GNG7: variants seen among roughly 807,000 people sequenced by gnomAD.
The protein encoded by GNG7 is G protein subunit gamma 7.
Under a neutral mutation model 4.0 loss-of-function variants are expected in GNG7, and 1 was observed. The observed-to-expected ratio is 0.25, with a 90% CI of 0.09 to 1.18. GNG7 has a LOEUF of 1.18. Ranked by LOEUF, GNG7 falls within the 50% of genes most tolerant of loss-of-function variation. The probability of loss-of-function intolerance (pLI) is 0.50; values close to 1 mark genes in which losing one functional copy is unlikely to be tolerated. For missense variants in GNG7, 86 were observed against 91.9 expected (o/e 0.94, Z 0.26); for synonymous variants, 34 against 36.9 (o/e 0.92, Z 0.29).
intron 2 of GNG7, chr19:2,632,714 G>T (rs890008465): frequency 1.3e-5 from 2 of 152,230 alleles, no homozygotes; most frequent in African/African-American, 4.8e-5. Context: ...TAGTTACACT[G>T]AGCTATGATC....
intron 3 of GNG7, among the ~76,000 whole-genome samples, chr19:2,551,777 G>T (rs1019568079): frequency 6.6e-6 from 1 of 151,868 alleles, no homozygotes; most frequent in Non-Finnish European, 1.5e-5. Context: ...TCTGCCTCCC[G>T]GGCTCAAGTG....
At chr19:2,520,813 C>T (rs1022079214) in intron 3 of GNG7, 88 bp from the exon 4 acceptor site, 11 of 625,214 alleles carry the variant, frequency 1.8e-5, no homozygotes, top group South Asian at 7.4e-5. Context: ...TCAACCTTCC[C>T]GACTCTAGGC....
At chr19:2,608,624 C>CAAGGAA (rs1230872913) in intron 2 of GNG7, among the ~76,000 whole-genome samples, 2 of 152,344 alleles carry the variant, frequency 1.3e-5, no homozygotes, top group Non-Finnish European at 2.9e-5. Flanking sequence ...CACCCCAGGG[C>CAAGGAA]AAGGGGCCGG....
At chr19:2,667,246 C>CA (rs1983334269) in intron 1 of GNG7, among the ~76,000 whole-genome samples, 1 of 152,158 alleles carries the variant, frequency 6.6e-6, no homozygotes, top group Non-Finnish European at 1.5e-5. Flanking sequence ...CGCTTGAACC[C>CA]GGGAGGCGGA....
chr19:2,515,593 A>G (rs376672528), intron 4 of GNG7, among the ~76,000 whole-genome samples: 1 of 151,828 alleles, frequency 6.6e-6, no homozygotes, highest in African/African-American at 2.4e-5. Flanking sequence ...ACACCCAGCT[A>G]ATTTTTGTAT....
At chr19:2,544,429 G>C (rs1979059929) in intron 3 of GNG7, among the ~76,000 whole-genome samples, 1 of 152,192 alleles carries the variant, frequency 6.6e-6, no homozygotes, top group East Asian at 1.9e-4. Context: ...AAGCCCCTGA[G>C]GACAGTGTGC....
chr19:2,668,567 G>A (rs371878210), intron 1 of GNG7, among the ~76,000 whole-genome samples: 15 of 152,246 alleles, frequency 9.9e-5, no homozygotes, highest in African/African-American at 3.1e-4. Flanking sequence ...GGCCAATTTC[G>A]GCAGCATGGT....
intron 2 of GNG7, among the ~76,000 whole-genome samples, chr19:2,639,351 G>A (rs924534278): frequency 1.3e-5 from 2 of 151,910 alleles, no homozygotes; most frequent in Non-Finnish European, 2.9e-5. Flanking sequence ...AAATCAATGC[G>A]CCTGAGACGC....
rs1979577672 is a variant in GNG7 at position 2,557,151 on chromosome 19, C to T, written c.-77-1963G>A. Among the ~76,000 whole-genome samples, 1 of 151,662 alleles carries T rather than the reference C, an allele frequency of 6.6e-6. No individual in the cohort carries two copies. The highest frequency in any genetic ancestry group is 6.6e-5 in the Admixed American group (1 of 15,232). On this transcript the variant is annotated intron_variant, in intron 2 of 4. Transcript: ENST00000382159. This position sits in a 1 kb window ranked among gnomAD's most constrained non-coding sequence, Gnocchi z 5.1. Reference sequence around the variant, plus strand: ...CGTGTACTGCACACTCACGCACATGCACACAAAGACACGCGCACACACGTA... The same window carrying T: ...CGTGTACTGCACACTCACGCACATGTACACAAAGACACGCGCACACACGTA...
At chr19:2,655,803 C>T (rs996502863) in intron 1 of GNG7, among the ~76,000 whole-genome samples, 2 of 141,664 alleles carry the variant, frequency 1.4e-5, no homozygotes, top group African/African-American at 5.3e-5. Flanking sequence ...CGCGCCACTG[C>T]ACTCCAGCCT....
chr19:2,583,718 G>A (rs1980566249), intron 2 of GNG7, among the ~76,000 whole-genome samples: 1 of 152,146 alleles, frequency 6.6e-6, no homozygotes, highest in South Asian at 2.1e-4. Context: ...CCTCCCTTGA[G>A]CCCAAGAGTC....
At chr19:2,647,483 G>C (rs1179924560) in intron 1 of GNG7, among the ~76,000 whole-genome samples, 1 of 152,170 alleles carries the variant, frequency 6.6e-6, no homozygotes, top group Non-Finnish European at 1.5e-5. Context: ...CAGTCACAAG[G>C]AGGCCTCATG....
In GNG7 at chr19:2,512,241, C is replaced by G. The variant is rs561768239; in HGVS notation, c.*2781G>C. On this transcript the variant is annotated 3_prime_UTR_variant, in exon 5 of 5. Coordinates refer to ENST00000382159, the MANE Select transcript of GNG7 (RefSeq NM_052847.3). This position sits in a 1 kb window ranked among gnomAD's most constrained non-coding sequence, Gnocchi z 4.7. ...CTCCTGGAAACGCCCATAAAACATG[C>G]GTTCACCCCAGGGATTCCCGGCAGA... 7 of 985,758 alleles carry G rather than the reference C, an allele frequency of 7.1e-6. No homozygotes were observed. Among genetic ancestry groups the G allele is most frequent in the Non-Finnish European group, 8.4e-6 (7 of 829,960 alleles). The allele number at this position is 985,758 out of a possible 1,614,324, so 61.1% of individuals were successfully genotyped here.
chr19:2,512,485 G>A lies in GNG7; in HGVS notation c.*2537C>T. ...GACAGCTCAGGGAACCCAAGGCCCT[G>A]TGGACAGTGAAGGAGAGGCCAGCCT... On this transcript the variant is annotated 3_prime_UTR_variant, in exon 5 of 5. Coordinates refer to ENST00000382159, the MANE Select transcript of GNG7 (RefSeq NM_052847.3). This position sits in a 1 kb window ranked among gnomAD's most constrained non-coding sequence, Gnocchi z 4.7. 2.0e-6 allele frequency: 1 copy of A among 500,126 alleles called. No individual in the cohort carries two copies. The highest frequency in any genetic ancestry group is 2.6e-6 in the Non-Finnish European group (1 of 386,518). The allele number at this position is 500,126 out of a possible 1,614,324, so 31.0% of individuals were successfully genotyped here. A position where few individuals can be genotyped will look rare whatever the true frequency, so the allele number is the denominator to read the frequency against.
chr19:2,661,302 G>GAGAAAGAAAGAAAGAA lies in GNG7; in HGVS notation c.-134-15038_-134-15023dup, dbSNP rs71179906. Among the ~76,000 whole-genome samples the GAGAAAGAAAGAAAGAA allele has an allele frequency of 2.8e-3, 204 of 73,064 alleles. 6 individuals carry two copies. Among genetic ancestry groups the GAGAAAGAAAGAAAGAA allele is most frequent in the Admixed American group, 4.7e-3 (31 of 6,548 alleles). 47.9% of individuals were successfully genotyped at this position (73,064 alleles called of 152,430 possible). On this transcript the variant is annotated intron_variant, in intron 1 of 4. Transcript: ENST00000382159. ...AGAAAGAAAGAAAGAAAGAAAGAAA[G>GAGAAAGAAAGAAAGAA]AGAAAGAAAGAAAGAAAGAAAGAAA...
chr19:2,585,602 T>C (rs1980647542), intron 2 of GNG7, among the ~76,000 whole-genome samples: 1 of 152,212 alleles, frequency 6.6e-6, no homozygotes, highest in Non-Finnish European at 1.5e-5. Context: ...TTAACAGTCT[T>C]CATCTCCAGA....
intron 1 of GNG7, among the ~76,000 whole-genome samples, chr19:2,662,259 CAAAAAA>C (rs5826780): frequency 1.4e-5 from 1 of 73,636 alleles, no homozygotes. Context: ...GACTCCATCT[CAAAAAA>C]AAAAAAAAAA....
At chr19:2,548,834 C>A (rs12979344) in intron 3 of GNG7, among the ~76,000 whole-genome samples, 37,423 of 150,070 alleles carry the variant, frequency 0.25, 5,677 homozygotes, top group African/African-American at 0.44. Flanking sequence ...CGACAACCCC[C>A]TCTCAAGAAT....
chr19:2,569,796 C>T (rs10409191), intron 2 of GNG7, among the ~76,000 whole-genome samples: 22,962 of 152,078 alleles, frequency 0.15, 1,826 homozygotes, highest in Middle Eastern at 0.24. Flanking sequence ...AGACATCACC[C>T]GTCCCCCAGT....
Sources: allele counts gnomAD v4.1 joint callset (sites outside exome capture counted in the v4.1 genomes callset), GRCh38; gene constraint gnomAD v4.1.1; non-coding constraint Gnocchi (gnomAD v3.1); transcripts MANE v1.5; gene names NCBI Gene and HGNC (gene_info 2026-07-23, HGNC 2026-07-21).